The following LINGO2 variants were observed in gnomAD, a reference collection of about 807,000 sequenced individuals.
The protein encoded by LINGO2 is leucine rich repeat and Ig domain containing 2, also known as leucine-rich repeat and immunoglobulin-like domain-containing nogo receptor-interacting protein 2.
A neutral mutation model predicts 30.6 loss-of-function variants in LINGO2; 14 were observed. The ratio of observed to expected loss-of-function variants is 0.46; its 90% CI spans 0.30 to 0.72. LINGO2 has a LOEUF of 0.72. LINGO2 is among the 30% of genes least tolerant of loss of function. The pLI is 0.07. For synonymous variants in LINGO2, 317 were observed against 288.5 expected (o/e 1.10, Z -1.00); for missense variants, 729 against 751.7 (o/e 0.97, Z 0.35).
intron 4 of LINGO2, among the ~76,000 whole-genome samples, chr9:28,105,733 T>G (rs1390701342): frequency 6.6e-5 from 10 of 151,938 alleles, no homozygotes; most frequent in Admixed American, 6.6e-4. Context: ...TCTCTCTCTC[T>G]CTCTCTTTCT....
intron 3 of LINGO2, among the ~76,000 whole-genome samples, chr9:28,330,123 GCT>G (rs1357484441): frequency 5.9e-5 from 9 of 151,862 alleles, no homozygotes; most frequent in Admixed American, 5.9e-4. Flanking sequence ...AGGAGAGAAT[GCT>G]CTCTCTCTCT....
the LINGO2 span, among the ~76,000 whole-genome samples, chr9:28,954,912 A>G: frequency 4.2e-3 from 638 of 152,274 alleles, 5 homozygotes; most frequent in African/African-American, 0.014. Context: ...GGCTGGACCA[A>G]GGGAAACTGC....
intron 4 of LINGO2, among the ~76,000 whole-genome samples, chr9:28,268,475 T>G (rs1486946814): frequency 2.0e-5 from 3 of 152,072 alleles, no homozygotes; most frequent in Non-Finnish European, 4.4e-5. Context: ...CATTTATTGA[T>G]TCAGGTGGTC....
At chr9:29,042,295 G>A in the LINGO2 span, among the ~76,000 whole-genome samples, 1 of 151,876 alleles carries the variant, frequency 6.6e-6, no homozygotes, top group Non-Finnish European at 1.5e-5. Context: ...GGAAACTTCT[G>A]AAATTTAACA....
chr9:28,206,255 G>A (rs1434633693), intron 4 of LINGO2, among the ~76,000 whole-genome samples: 2 of 150,186 alleles, frequency 1.3e-5, no homozygotes, highest in Non-Finnish European at 3.0e-5. Flanking sequence ...AGAATAAGCT[G>A]TTGAAGCACA....
chr9:28,653,301 C>T (rs1210641688), intron 1 of LINGO2, among the ~76,000 whole-genome samples: 2 of 152,088 alleles, frequency 1.3e-5, no homozygotes, highest in Non-Finnish European at 1.5e-5. Context: ...GAGCTAGGGG[C>T]CTCTTCAGTC....
chr9:28,242,629 C>G (rs987731775), intron 4 of LINGO2, among the ~76,000 whole-genome samples: 2 of 152,048 alleles, frequency 1.3e-5, no homozygotes, highest in African/African-American at 2.4e-5. Context: ...GAGAACACCA[C>G]TAAGATACTC....
At chr9:28,907,784 A>G in the LINGO2 span, among the ~76,000 whole-genome samples, 1 of 151,726 alleles carries the variant, frequency 6.6e-6, no homozygotes, top group East Asian at 1.9e-4. Flanking sequence ...GTGACCAGAG[A>G]AATGAGGAAA....
the LINGO2 span, among the ~76,000 whole-genome samples, chr9:29,136,843 C>G: frequency 6.6e-6 from 1 of 152,260 alleles, no homozygotes; most frequent in East Asian, 1.9e-4. Context: ...GTCATCTCAC[C>G]TGTCTTAAAA....
At chr9:28,104,294 T>C (rs1826514651) in intron 4 of LINGO2, among the ~76,000 whole-genome samples, 1 of 149,998 alleles carries the variant, frequency 6.7e-6, no homozygotes, top group African/African-American at 2.4e-5. Context: ...TTTGCTTTTT[T>C]TTCCCCAAGC....
At chr9:29,099,205 T>A in the LINGO2 span, among the ~76,000 whole-genome samples, 1 of 152,206 alleles carries the variant, frequency 6.6e-6, no homozygotes, top group Non-Finnish European at 1.5e-5. Flanking sequence ...TAGACCCCTA[T>A]ATCTCTCACC....
intron 3 of LINGO2, among the ~76,000 whole-genome samples, chr9:28,365,084 C>T (rs1470387679): frequency 6.6e-6 from 1 of 152,092 alleles, no homozygotes; most frequent in Non-Finnish European, 1.5e-5. Context: ...CTTGGGAGCA[C>T]AGAGGGATTG....
the LINGO2 span, among the ~76,000 whole-genome samples, chr9:29,050,624 G>C: frequency 6.6e-6 from 1 of 152,164 alleles, no homozygotes; most frequent in South Asian, 2.1e-4. Flanking sequence ...CTATGCACTT[G>C]AAACATCATA....
At chr9:28,393,010 C>T (rs1821899667) in intron 2 of LINGO2, among the ~76,000 whole-genome samples, 1 of 152,180 alleles carries the variant, frequency 6.6e-6, no homozygotes. Context: ...CTTAGAACAA[C>T]CTTGTCAGAA....
At chr9:28,236,784 T>A (rs947767549) in intron 4 of LINGO2, among the ~76,000 whole-genome samples, 3 of 151,950 alleles carry the variant, frequency 2.0e-5, no homozygotes, top group Non-Finnish European at 4.4e-5. Flanking sequence ...TTAATCAGTA[T>A]AAAAATAAAG....
At chr9:28,645,185 A>C (rs1051712196) in intron 1 of LINGO2, among the ~76,000 whole-genome samples, 1 of 152,086 alleles carries the variant, frequency 6.6e-6, no homozygotes, top group African/African-American at 2.4e-5. Flanking sequence ...TGAATTAGTT[A>C]TGGTGAGTTA....
At chr9:28,298,738 C>T (rs1824023241) in intron 3 of LINGO2, among the ~76,000 whole-genome samples, 1 of 151,646 alleles carries the variant, frequency 6.6e-6, no homozygotes, top group South Asian at 2.1e-4. Flanking sequence ...AATTACACCT[C>T]ATTAATGTTG....
At chr9:28,306,617 T>C (rs2134232772) in intron 3 of LINGO2, among the ~76,000 whole-genome samples, 1 of 152,066 alleles carries the variant, frequency 6.6e-6, no homozygotes, top group East Asian at 1.9e-4. Context: ...AAAAAACCCT[T>C]CAAAAAACTA....
chr9:28,754,793 G>C, the LINGO2 span, among the ~76,000 whole-genome samples: 1 of 151,656 alleles, frequency 6.6e-6, no homozygotes, highest in Non-Finnish European at 1.5e-5. Flanking sequence ...ACCACACCGG[G>C]CTAATTTTTT....
Sources: allele counts gnomAD v4.1 joint callset (sites outside exome capture counted in the v4.1 genomes callset), GRCh38; gene constraint gnomAD v4.1.1; transcripts MANE v1.5; gene names NCBI Gene and HGNC (gene_info 2026-07-23, HGNC 2026-07-21).